The following ADGB variants were observed in gnomAD, a reference collection of about 807,000 sequenced individuals.
ADGB encodes the protein calpain-7-like protein.
ADGB carries 172 observed loss-of-function variants against 210.5 expected under a neutral mutation model. That is an observed-to-expected ratio of 0.82 (90% confidence interval 0.72 to 0.93). ADGB has a LOEUF of 0.93. Ranked by LOEUF, ADGB falls within the 40% of genes least tolerant of loss-of-function variation. The pLI is 0.00. For missense variants in ADGB, 2,025 were observed against 1,964.8 expected, an observed-to-expected ratio of 1.03 and a Z score of -0.58; for synonymous variants, 658 against 662.7, an observed-to-expected ratio of 0.99 and a Z score of 0.11.
chr6:146,749,784 G>A (rs768430727), intron 26 of ADGB, among the ~76,000 whole-genome samples: 8 of 152,062 alleles, frequency 5.3e-5, no homozygotes, highest in African/African-American at 1.9e-4. Context: ...GGCAGAAGAC[G>A]AAAAGGAAGC....
chr6:146,774,799 T>A (rs577776597), intron 29 of ADGB, among the ~76,000 whole-genome samples: 1 of 152,258 alleles, frequency 6.6e-6, no homozygotes, highest in Admixed American at 6.5e-5. Context: ...TATAGAAAAA[T>A]TCAGTTACTA....
intron 13 of ADGB, among the ~76,000 whole-genome samples, chr6:146,708,838 C>A (rs1268932413): frequency 2.6e-5 from 4 of 152,232 alleles, no homozygotes; most frequent in Admixed American, 6.5e-5. Context: ...GAACTCCTAT[C>A]ACTCAAATAT....
At chr6:146,697,358 A>G (rs932059255) in intron 12 of ADGB, among the ~76,000 whole-genome samples, 10 of 152,190 alleles carry the variant, frequency 6.6e-5, no homozygotes, top group African/African-American at 2.4e-4. Flanking sequence ...CACATATATC[A>G]AAGACTAGCA....
intron 12 of ADGB, among the ~76,000 whole-genome samples, chr6:146,697,994 T>C (rs754521641): frequency 6.6e-6 from 1 of 152,158 alleles, no homozygotes; most frequent in Non-Finnish European, 1.5e-5. Flanking sequence ...ACGTGGTTAG[T>C]TTTCAGCTAT....
At chr6:146,701,920 C>G (rs1441759110) in intron 13 of ADGB, among the ~76,000 whole-genome samples, 1 of 151,828 alleles carries the variant, frequency 6.6e-6, no homozygotes, top group African/African-American at 2.4e-5. Flanking sequence ...AATCAGCTTA[C>G]ATATTCTTGT....
intron 1 of ADGB, among the ~76,000 whole-genome samples, chr6:146,630,471 G>A (rs1781048091): frequency 6.6e-6 from 1 of 152,034 alleles, no homozygotes; most frequent in South Asian, 2.1e-4. Context: ...TACTTGGGAG[G>A]TTGAGGTAGG....
intron 9 of ADGB, among the ~76,000 whole-genome samples, chr6:146,685,190 A>G (rs1214300403): frequency 6.6e-6 from 1 of 152,096 alleles, no homozygotes; most frequent in African/African-American, 2.4e-5. Flanking sequence ...AACATTACAA[A>G]CAAATAAGCA....
At chr6:146,661,230 T>C (rs1337455164) in intron 5 of ADGB, among the ~76,000 whole-genome samples, 1 of 146,490 alleles carries the variant, frequency 6.8e-6, no homozygotes, top group Non-Finnish European at 1.5e-5. Context: ...CTTTTTTTTT[T>C]TTTTTTTGGA....
chr6:146,652,247 T>C (rs949149782), intron 3 of ADGB, among the ~76,000 whole-genome samples: 4 of 152,204 alleles, frequency 2.6e-5, no homozygotes, highest in Non-Finnish European at 4.4e-5. Flanking sequence ...AAACTTGAGG[T>C]ATCTAATACT....
At chr6:146,605,484 C>T (rs1258568874) in intron 1 of ADGB, among the ~76,000 whole-genome samples, 1 of 152,004 alleles carries the variant, frequency 6.6e-6, no homozygotes, top group African/African-American at 2.4e-5. Flanking sequence ...AATGCCTCGC[C>T]TTATTTATTT....
intron 29 of ADGB, among the ~76,000 whole-genome samples, 172 bp from the exon 30 acceptor site, chr6:146,781,848 A>G (rs989639358): frequency 2.6e-5 from 4 of 152,184 alleles, no homozygotes; most frequent in African/African-American, 9.6e-5. Context: ...TATGAATTAT[A>G]TGTAGATTTT....
At chr6:146,783,022 G>T (rs943280648) in intron 30 of ADGB, among the ~76,000 whole-genome samples, 1 of 152,152 alleles carries the variant, frequency 6.6e-6, no homozygotes, top group African/African-American at 2.4e-5. Flanking sequence ...GCTTTTAAGG[G>T]TGTGGACTTA....
In ADGB at chr6:146,654,697, C is replaced by T. The variant is rs192730796; in HGVS notation, c.402+491C>T. Among the ~76,000 whole-genome samples the T allele has an allele frequency of 2.6e-5, 4 of 152,192 alleles. No individual in the cohort carries two copies. The East Asian group carries it at 7.7e-4, about 29-fold the overall frequency. On this transcript the variant is annotated intron_variant, in intron 4 of 35. Coordinates refer to ENST00000397944, the MANE Select transcript of ADGB (RefSeq NM_024694.4). ...GTATACAATTTGATGGTTTGATATA[C>T]ATTGTTAAATATTCATCACAATTAA...
intron 26 of ADGB, among the ~76,000 whole-genome samples, chr6:146,751,643 C>T (rs1019507309): frequency 5.3e-5 from 8 of 152,046 alleles, no homozygotes; most frequent in African/African-American, 1.7e-4. Context: ...CAGCATCTAT[C>T]GTTTCCTGAC....
chr6:146,813,580 T>C (rs1388728517), intron 35 of ADGB, among the ~76,000 whole-genome samples: 2 of 152,064 alleles, frequency 1.3e-5, no homozygotes, highest in Admixed American at 6.6e-5. Flanking sequence ...ACAGATATTC[T>C]GTTTAGATTC....
intron 1 of ADGB, among the ~76,000 whole-genome samples, chr6:146,623,706 T>C (rs1034289383): frequency 5.3e-5 from 8 of 151,974 alleles, no homozygotes; most frequent in African/African-American, 1.9e-4. Flanking sequence ...TCACTAAGTA[T>C]GATGTCAGTT....
chr6:146,791,055 T>C (rs1377756800), intron 33 of ADGB, among the ~76,000 whole-genome samples: 1 of 152,216 alleles, frequency 6.6e-6, no homozygotes, highest in East Asian at 1.9e-4. Flanking sequence ...TTTCTTATTA[T>C]TGAGTAGCTT....
intron 1 of ADGB, among the ~76,000 whole-genome samples, chr6:146,619,679 C>T (rs985563470): frequency 2.0e-5 from 3 of 152,050 alleles, no homozygotes; most frequent in African/African-American, 7.2e-5. Context: ...AACATCATCC[C>T]CATCCCAACA....
intron 32 of ADGB, among the ~76,000 whole-genome samples, chr6:146,787,331 A>T (rs1235498400): frequency 6.6e-6 from 1 of 152,170 alleles, no homozygotes; most frequent in Non-Finnish European, 1.5e-5. Context: ...TCCTCCCTCA[A>T]GGTAACAACT....
Sources: allele counts gnomAD v4.1 joint callset (sites outside exome capture counted in the v4.1 genomes callset), GRCh38; gene constraint gnomAD v4.1.1; transcripts MANE v1.5; gene names NCBI Gene and HGNC (gene_info 2026-07-23, HGNC 2026-07-21).